SYNJ2: variants seen among roughly 807,000 people sequenced by gnomAD.
The protein encoded by SYNJ2 is polyphosphatidylinositol phosphatase SYNJ2.
SYNJ2 carries 116 observed loss-of-function variants against 141.3 expected under a neutral mutation model. The ratio of observed to expected loss-of-function variants is 0.82; its 90% CI spans 0.71 to 0.96. SYNJ2 has a LOEUF of 0.96. Ranked by LOEUF, SYNJ2 falls within the 40% of genes least tolerant of loss-of-function variation. The probability of loss-of-function intolerance (pLI) is 0.00; values close to 1 mark genes in which losing one functional copy is unlikely to be tolerated. For synonymous variants in SYNJ2, 745 were observed against 777.7 expected (o/e 0.96, Z 0.70); for missense variants, 1,873 against 1,934.8 (o/e 0.97, Z 0.60).
At chr6:157,993,547 C>G (rs1271277261) in intron 1 of SYNJ2, among the ~76,000 whole-genome samples, 2 of 151,876 alleles carry the variant, frequency 1.3e-5, no homozygotes, top group Admixed American at 1.3e-4. Flanking sequence ...AATATGATCT[C>G]TTTTGTTCAT....
chr6:157,988,404 T>G (rs1394096587), intron 1 of SYNJ2, among the ~76,000 whole-genome samples: 1 of 152,198 alleles, frequency 6.6e-6, no homozygotes, highest in African/African-American at 2.4e-5. Context: ...CCTATTTTAT[T>G]TAACTGTTTT....
At chr6:158,007,452 C>T (rs902274592) in intron 1 of SYNJ2, among the ~76,000 whole-genome samples, 5 of 152,220 alleles carry the variant, frequency 3.3e-5, no homozygotes, top group Non-Finnish European at 7.3e-5. Flanking sequence ...TTTGCTGTCA[C>T]GCCAGGGCCA....
chr6:158,033,189 G>A (rs1273164888), intron 3 of SYNJ2, among the ~76,000 whole-genome samples: 3 of 152,168 alleles, frequency 2.0e-5, no homozygotes. Context: ...CGACAGTGAC[G>A]ACCTGGTAGT....
chr6:158,076,454 CTT>C (rs1460155310), intron 16 of SYNJ2, among the ~76,000 whole-genome samples, 170 bp from the exon 17 acceptor site: 1 of 152,142 alleles, frequency 6.6e-6, no homozygotes, highest in Admixed American at 6.6e-5. Context: ...CTGAGGATCA[CTT>C]TTTTGCTAAT....
intron 2 of SYNJ2, among the ~76,000 whole-genome samples, chr6:158,025,137 C>G (rs1344333548): frequency 6.6e-6 from 1 of 152,186 alleles, no homozygotes; most frequent in Non-Finnish European, 1.5e-5. Flanking sequence ...GATTGGCCGG[C>G]TGTGAGGACC....
intron 1 of SYNJ2, among the ~76,000 whole-genome samples, chr6:157,997,267 G>A (rs1354484118): frequency 6.6e-6 from 1 of 152,180 alleles, no homozygotes; most frequent in African/African-American, 2.4e-5. Flanking sequence ...TCCTAACCCG[G>A]GATACCTTGC....
intron 8 of SYNJ2, 115 bp from the exon 9 acceptor site, chr6:158,063,676 A>AAC: frequency 3.2e-6 from 2 of 634,100 alleles, no homozygotes; most frequent in Non-Finnish European, 2.5e-6. Flanking sequence ...AAAAAAAAAA[A>AAC]AAAAAAAAAA....
chr6:158,090,742 A>G (rs375534277), intron 25 of SYNJ2, among the ~76,000 whole-genome samples: 20 of 151,528 alleles, frequency 1.3e-4, no homozygotes, highest in African/African-American at 4.8e-4. Flanking sequence ...ATGTGATTTC[A>G]CCTTGTTGGC....
intron 2 of SYNJ2, among the ~76,000 whole-genome samples, chr6:158,019,080 C>T (rs1778623170): frequency 1.3e-5 from 2 of 152,270 alleles, no homozygotes; most frequent in Admixed American, 1.3e-4. Flanking sequence ...CGCGTTCCAT[C>T]CATGCTGATG....
Position 158,083,428 on chromosome 6 carries a change from G to T in SYNJ2, c.2866-1G>T, listed in dbSNP as rs1244472033. On this transcript the variant is annotated splice_acceptor_variant, in intron 20 of 26. Coordinates refer to ENST00000355585, the MANE Select transcript of SYNJ2 (RefSeq NM_003898.4). LOFTEE classifies it high-confidence loss of function. ...CCTGGGTGGCCGCTCTGCCCTCCCA[G>T]GTGAAAGGCAGAGCAGTGAAGATTA... 3.1e-6 allele frequency: 5 copies of T among 1,613,444 alleles called. No homozygotes were observed. Among genetic ancestry groups the T allele is most frequent in the Non-Finnish European group, 4.2e-6 (5 of 1,179,574 alleles).
Position 158,070,091 on chromosome 6 carries a change from C to T in SYNJ2, c.1940+418C>T, listed in dbSNP as rs775964881. Reference sequence around the variant, plus strand: ...ACGTGTGGGCCTCTACAACTGTGACCTCATTGTCATTTCTCCAAGGTGCAT... The same window carrying T: ...ACGTGTGGGCCTCTACAACTGTGACTTCATTGTCATTTCTCCAAGGTGCAT... On this transcript the variant is annotated intron_variant, in intron 14 of 26. Transcript: ENST00000355585. The surrounding 1 kb of genome is among the most constrained non-coding windows in gnomAD (Gnocchi z 4.0). 2.6e-5 allele frequency: 25 copies of T among 947,988 alleles called. No homozygotes were observed. Among genetic ancestry groups the T allele is most frequent in the Non-Finnish European group, 3.1e-5 (25 of 795,404 alleles). The allele number at this position is 947,988 out of a possible 1,614,324, so 58.7% of individuals were successfully genotyped here.
In SYNJ2 at chr6:158,015,190, G is replaced by A. The variant is rs574711352; in HGVS notation, c.128-2014G>A. Among the ~76,000 whole-genome samples, 98 of 152,304 alleles carry A rather than the reference G, an allele frequency of 6.4e-4. No homozygotes were observed. In the South Asian group the frequency reaches 0.016, roughly 24 times the overall value. The stretch of plus-strand genomic sequence containing the variant: ...ACAGTCCATCTGCTCTGAGGGCTTG[G>A]TATGAGGGGCTGATGTTTTCTGTCA... On this transcript the variant is annotated intron_variant, in intron 1 of 26. Coordinates refer to ENST00000355585, the MANE Select transcript of SYNJ2 (RefSeq NM_003898.4).
chr6:158,017,346 T>G (rs2128327752), intron 2 of SYNJ2, 56 bp downstream of exon 2: 1 of 1,555,460 alleles, frequency 6.4e-7, no homozygotes, highest in South Asian at 1.2e-5. Context: ...GGCAGGAGCC[T>G]CTGTGTCGGA....
intron 1 of SYNJ2, among the ~76,000 whole-genome samples, chr6:158,004,036 G>A (rs1265630182): frequency 6.6e-6 from 1 of 152,134 alleles, no homozygotes; most frequent in Non-Finnish European, 1.5e-5. Flanking sequence ...TGTTCGAGTA[G>A]CATAGACAAC....
At chr6:158,069,397 G>A (rs1385787765) in intron 13 of SYNJ2, 136 bp from the exon 14 acceptor site, 2 of 1,104,500 alleles carry the variant, frequency 1.8e-6, no homozygotes, top group Middle Eastern at 2.8e-4. Context: ...AGGAAAGCAT[G>A]ACACTAATAT....
chr6:158,039,532 C>T (rs1392415038), intron 4 of SYNJ2, among the ~76,000 whole-genome samples: 2 of 152,186 alleles, frequency 1.3e-5, no homozygotes, highest in Non-Finnish European at 2.9e-5. Context: ...GCACTTCCTA[C>T]CCCCTTGAGT....
chr6:158,080,830 C>T (rs1287576279), intron 18 of SYNJ2, among the ~76,000 whole-genome samples: 3 of 152,204 alleles, frequency 2.0e-5, no homozygotes, highest in African/African-American at 7.2e-5. Flanking sequence ...TTTTCCCCCT[C>T]AAATCATCTT....
At chr6:158,019,308 T>G (rs1421747916) in intron 2 of SYNJ2, among the ~76,000 whole-genome samples, 1 of 152,262 alleles carries the variant, frequency 6.6e-6, no homozygotes, top group African/African-American at 2.4e-5. Flanking sequence ...CACCAGGGAC[T>G]GCCTTCAACC....
chr6:158,007,532 C>T (rs1203875991), intron 1 of SYNJ2, among the ~76,000 whole-genome samples: 1 of 152,232 alleles, frequency 6.6e-6, no homozygotes, highest in African/African-American at 2.4e-5. Context: ...TCTCATATCC[C>T]ATAACCAATC....
Sources: allele counts gnomAD v4.1 joint callset (sites outside exome capture counted in the v4.1 genomes callset), GRCh38; gene constraint gnomAD v4.1.1; non-coding constraint Gnocchi (gnomAD v3.1); transcripts MANE v1.5; gene names NCBI Gene and HGNC (gene_info 2026-07-23, HGNC 2026-07-21).